The following LEMD1 variants were observed in gnomAD, a reference collection of about 807,000 sequenced individuals.
The protein encoded by LEMD1 is LEM domain containing 1.
Under a neutral mutation model 17.4 loss-of-function variants are expected in LEMD1, and 18 were observed. That is an observed-to-expected ratio of 1.04 (90% CI 0.72 to 1.54). The LOEUF (loss-of-function observed/expected upper bound fraction) is 1.54. Ranked by LOEUF, LEMD1 falls within the 40% of genes most tolerant of loss-of-function variation. LEMD1 has a pLI of 0.00. For synonymous variants in LEMD1, 88 were observed against 77.8 expected (o/e 1.13, Z -0.69); for missense variants, 195 against 210.4 (o/e 0.93, Z 0.45).
intron 4 of LEMD1, among the ~76,000 whole-genome samples, chr1:205,405,774 C>T (rs1222665894): frequency 2.1e-4 from 31 of 149,142 alleles, no homozygotes; most frequent in African/African-American, 5.0e-4. Flanking sequence ...GGAGGAGAGG[C>T]GCTCTGCTTT....
chr1:205,401,427 T>G (rs900210538), intron 4 of LEMD1, among the ~76,000 whole-genome samples: 10 of 152,162 alleles, frequency 6.6e-5, no homozygotes, highest in Admixed American at 1.3e-4. Context: ...TGGTTTTGAT[T>G]TGCATTTCTC....
chr1:205,397,169 C>A (rs1286493642), intron 4 of LEMD1, among the ~76,000 whole-genome samples: 1 of 152,118 alleles, frequency 6.6e-6, no homozygotes, highest in Admixed American at 6.6e-5. Context: ...AACAGATGTC[C>A]CGAGTCCTTC....
chr1:205,419,286 G>C lies in LEMD1; in HGVS notation c.149C>G (p.Pro50Arg). The C allele has an allele frequency of 6.2e-7, 1 of 1,614,196 alleles. No individual in the cohort carries two copies. Among genetic ancestry groups the C allele is most frequent in the South Asian group, 1.1e-5 (1 of 91,084 alleles). Residue 50 changes from proline to arginine, a missense_variant, in exon 3 of 6, where the codon CCT (proline) becomes CGT (arginine). By Grantham distance (103) the Pro-to-Arg change is moderately radical (BLOSUM62 -2). Transcript: ENST00000367153. ...CAGCTCTCTGGGTCCATTCATCACA[G>C]GTGGTGCACAGGGAGGTGAGACCAA... ...QLLVSPPCAP[P>R]VMNGPRELDG...
intron 1 of LEMD1, among the ~76,000 whole-genome samples, chr1:205,434,188 CT>C (rs78931307): frequency 1.6e-4 from 7 of 44,396 alleles, no homozygotes; most frequent in African/African-American, 1.9e-4. Flanking sequence ...TCTTATCTTT[CT>C]TTTTTTTTCT....
At position 205,447,757 on chromosome 1, in the gene LEMD1, G is replaced by A. The variant is rs559965453; in HGVS notation, c.-39+2111C>T. 8.4e-5 allele frequency among the ~76,000 whole-genome samples: 7 copies of A among 82,968 alleles called. No homozygotes were observed. In the East Asian group the frequency reaches 1.7e-3, roughly 20 times the overall value. The allele number at this position is 82,968 out of a possible 152,430, so 54.4% of individuals were successfully genotyped here. On this transcript the variant is annotated intron_variant, in intron 1 of 3. Coordinates refer to the LEMD1 transcript ENST00000367154. The stretch of plus-strand genomic sequence containing the variant: ...CTGGAGTCCAGCCTGTCGCCCGGGG[G>A]AGCGCCTGCCTTCCTAGTTTCACTC...
chr1:205,396,658 T>C (rs1176535958), intron 4 of LEMD1, among the ~76,000 whole-genome samples: 2 of 152,204 alleles, frequency 1.3e-5, no homozygotes, highest in African/African-American at 4.8e-5. Flanking sequence ...CACAGCATGA[T>C]GCTGCATGGT....
At chr1:205,382,030 C>A in intron 5 of LEMD1, 174 bp from the exon 6 acceptor site, 1 of 623,436 alleles carries the variant, frequency 1.6e-6, no homozygotes, top group Non-Finnish European at 2.8e-6. Context: ...AAGACAGGAT[C>A]TTGTTCTGTT....
intron 1 of LEMD1, among the ~76,000 whole-genome samples, chr1:205,439,288 C>A (rs1666256082): frequency 6.6e-6 from 1 of 152,136 alleles, no homozygotes; most frequent in South Asian, 2.1e-4. Flanking sequence ...GTTTATAATT[C>A]TTTGGATATA....
intron 1 of LEMD1, among the ~76,000 whole-genome samples, chr1:205,444,214 G>C (rs1666344445): frequency 6.6e-6 from 1 of 152,064 alleles, no homozygotes; most frequent in African/African-American, 2.4e-5. Context: ...CCCAGAATAG[G>C]ATGGAGAGGC....
At chr1:205,449,826 G>C (rs2102478156) in intron 1 of LEMD1, 1 of 152,548 alleles carries the variant, frequency 6.6e-6, no homozygotes, top group South Asian at 2.1e-4. Flanking sequence ...TCCCTCCCAA[G>C]GGATGCTGGG....
At chr1:205,431,115 G>T (rs930208616) in intron 1 of LEMD1, among the ~76,000 whole-genome samples, 1 of 152,176 alleles carries the variant, frequency 6.6e-6, no homozygotes, top group African/African-American at 2.4e-5. Context: ...CACGCCTTTT[G>T]GGGATAAGCA....
At chr1:205,437,757 T>C (rs533908009) in intron 1 of LEMD1, 1 of 152,190 alleles carries the variant, frequency 6.6e-6, no homozygotes, top group Admixed American at 6.5e-5. Flanking sequence ...CCCCTATTTA[T>C]AGTTGAGGAA....
intron 4 of LEMD1, among the ~76,000 whole-genome samples, chr1:205,390,367 A>AAC (rs1021106041): frequency 2.0e-4 from 31 of 152,032 alleles, no homozygotes; most frequent in African/African-American, 7.2e-4. Context: ...AAAAAAAAAA[A>AAC]AACAACAAAC....
intron 4 of LEMD1, among the ~76,000 whole-genome samples, chr1:205,413,345 T>C (rs999362893): frequency 2.0e-5 from 3 of 152,042 alleles, no homozygotes. Context: ...TAGAGTGCAG[T>C]GGTGTCATCA....
chr1:205,403,682 T>C (rs1291531883), intron 4 of LEMD1, among the ~76,000 whole-genome samples: 1 of 152,066 alleles, frequency 6.6e-6, no homozygotes, highest in Non-Finnish European at 1.5e-5. Flanking sequence ...TTTGAAAGGC[T>C]TTTTTTGTCT....
intron 1 of LEMD1, among the ~76,000 whole-genome samples, chr1:205,427,900 C>T (rs756601293): frequency 1.3e-5 from 2 of 152,174 alleles, no homozygotes; most frequent in South Asian, 4.1e-4. Context: ...ATTCCATACT[C>T]GTGAAATGGA....
rs748825324 is a variant in LEMD1, at chr1:205,381,718, A to G, written c.486T>C (p.Gly162=). The change falls in exon 6 of 6, where the codon GGT becomes GGC. Residue 162 remains glycine, a synonymous_variant. Coordinates refer to ENST00000367153, the MANE Select transcript of LEMD1 (RefSeq NM_001199050.2). The stretch of plus-strand genomic sequence containing the variant: ...AGACAAACACCACAATGATGAAAAT[A>G]CCAAGCACAGCAAGCTTCAAGCCCA... The part of the protein sequence containing the change: ...FPVGLKLAVL[G]IFIIVVFVYL... The G allele has an allele frequency of 6.2e-7, 1 of 1,614,248 alleles. No individual in the cohort carries two copies. Among genetic ancestry groups the G allele is most frequent in the South Asian group, 1.1e-5 (1 of 91,090 alleles).
chr1:205,402,914 T>C (rs1370155150), intron 4 of LEMD1, among the ~76,000 whole-genome samples: 1 of 151,044 alleles, frequency 6.6e-6, no homozygotes, highest in African/African-American at 2.4e-5. Flanking sequence ...GCATGAAGGG[T>C]TGTTGAATTT....
chr1:205,436,213 A>C (rs1575005894), intron 1 of LEMD1: 1 of 151,976 alleles, frequency 6.6e-6, no homozygotes, highest in African/African-American at 2.4e-5. Context: ...CACGAGGAAA[A>C]CCCTTGAACT....
Sources: allele counts gnomAD v4.1 joint callset (sites outside exome capture counted in the v4.1 genomes callset), GRCh38; gene constraint gnomAD v4.1.1; transcripts MANE v1.5; gene names NCBI Gene and HGNC (gene_info 2026-07-23, HGNC 2026-07-21).